The following ARHGAP25 variants were observed in gnomAD, a reference collection of about 807,000 sequenced individuals.
The protein encoded by ARHGAP25 is rho GTPase-activating protein 25.
ARHGAP25 carries 34 observed loss-of-function variants against 71.0 expected under a neutral mutation model. That is an observed-to-expected ratio of 0.48 (90% CI 0.36 to 0.64). The LOEUF is 0.64. Ranked by LOEUF, ARHGAP25 falls within the 30% of genes least tolerant of loss-of-function variation. ARHGAP25 has a pLI of 0.00. For missense variants in ARHGAP25, 706 were observed against 805.1 expected (o/e 0.88, Z 1.49); for synonymous variants, 282 against 296.5 (o/e 0.95, Z 0.50).
chr2:68,779,657 T>C (rs1392792942), intron 2 of ARHGAP25, among the ~76,000 whole-genome samples: 2 of 152,218 alleles, frequency 1.3e-5, no homozygotes, highest in Non-Finnish European at 2.9e-5. Flanking sequence ...GCTGTCTCCA[T>C]TGCTTTACTG....
chr2:68,768,104 A>G (rs1677238589), intron 1 of ARHGAP25, among the ~76,000 whole-genome samples: 1 of 152,194 alleles, frequency 6.6e-6, no homozygotes, highest in South Asian at 2.1e-4. Context: ...TCAGATTTCT[A>G]GTTGTTAACT....
intron 3 of ARHGAP25, among the ~76,000 whole-genome samples, chr2:68,787,625 A>G (rs946518527): frequency 1.3e-5 from 2 of 152,154 alleles, no homozygotes; most frequent in African/African-American, 4.8e-5. Flanking sequence ...ATTGCAAACC[A>G]TTGTGTTCAA....
At chr2:68,720,554 AG>A (rs1433272291) in intron 2 of ARHGAP25, among the ~76,000 whole-genome samples, 1 of 152,286 alleles carries the variant, frequency 6.6e-6, no homozygotes, top group East Asian at 1.9e-4. Flanking sequence ...TCCTACAGTA[AG>A]GTGGGCAAAA....
intron 3 of ARHGAP25, 141 bp from the exon 4 acceptor site, chr2:68,787,699 A>G: frequency 1.4e-6 from 1 of 705,666 alleles, no homozygotes; most frequent in South Asian, 1.6e-5. Flanking sequence ...ACTGAGGATA[A>G]TTCGACAATG....
In ARHGAP25 at chr2:68,780,317, G is replaced by A. The variant is rs188468720; in HGVS notation, c.262-1916G>A. 2.8e-3 allele frequency among the ~76,000 whole-genome samples: 424 copies of A among 152,332 alleles called. 1 individual carries two copies. Among genetic ancestry groups the A allele is most frequent in the African/African-American group, 9.9e-3 (410 of 41,584 alleles). ...ACAGTTTGGAGAGGTACTTAGGGGA[G>A]GCAGACACCTCTGTGTTTGCCCTTT... On this transcript the variant is annotated intron_variant, in intron 2 of 10. Transcript: ENST00000409202.
chr2:68,753,654 T>G (rs1676313028), intron 1 of ARHGAP25, among the ~76,000 whole-genome samples: 1 of 152,180 alleles, frequency 6.6e-6, no homozygotes, highest in Non-Finnish European at 1.5e-5. Flanking sequence ...TGGGGTAGAT[T>G]TAGCTTGATG....
At chr2:68,820,468 T>G (rs188088906) in intron 9 of ARHGAP25, among the ~76,000 whole-genome samples, 1 of 152,278 alleles carries the variant, frequency 6.6e-6, no homozygotes. Context: ...CAGGTACCTC[T>G]AACTCCGGGT....
intron 1 of ARHGAP25, among the ~76,000 whole-genome samples, chr2:68,744,926 G>A (rs1675729430): frequency 6.6e-6 from 1 of 152,180 alleles, no homozygotes; most frequent in Non-Finnish European, 1.5e-5. Flanking sequence ...GAAAGTGATT[G>A]ATAATGTAGT....
chr2:68,784,165 C>G (rs375203268), intron 3 of ARHGAP25, among the ~76,000 whole-genome samples: 49 of 152,058 alleles, frequency 3.2e-4, no homozygotes, highest in African/African-American at 1.2e-3. Context: ...CTTTCGCTCT[C>G]TCTCTCTCTT....
chr2:68,743,740 T>C (rs373222066), intron 1 of ARHGAP25, among the ~76,000 whole-genome samples: 3 of 152,122 alleles, frequency 2.0e-5, no homozygotes, highest in East Asian at 3.9e-4. Flanking sequence ...ACTGATCTTC[T>C]TCCTGTGAGC....
chr2:68,806,524 A>G (rs1276929150), intron 4 of ARHGAP25, among the ~76,000 whole-genome samples: 1 of 152,186 alleles, frequency 6.6e-6, no homozygotes, highest in East Asian at 1.9e-4. Context: ...TATAACTGAG[A>G]CAACTACTAA....
At chr2:68,778,220 A>ATATATC (rs1678059759) in intron 2 of ARHGAP25, among the ~76,000 whole-genome samples, 1 of 152,212 alleles carries the variant, frequency 6.6e-6, no homozygotes, top group Non-Finnish European at 1.5e-5. Context: ...GGCTACATTT[A>ATATATC]TATATCTATA....
intron 1 of ARHGAP25, among the ~76,000 whole-genome samples, chr2:68,770,133 A>C (rs1281456183): frequency 6.6e-6 from 1 of 152,156 alleles, no homozygotes; most frequent in African/African-American, 2.4e-5. Flanking sequence ...GCGGAGGTAA[A>C]GCAGGTTTGG....
intron 1 of ARHGAP25, among the ~76,000 whole-genome samples, chr2:68,760,207 T>C (rs1157004397): frequency 1.3e-5 from 2 of 152,036 alleles, no homozygotes; most frequent in Non-Finnish European, 2.9e-5. Flanking sequence ...AAAAGTCATA[T>C]GTAAATAACC....
chr2:68,797,729 T>G (rs1192675060), intron 4 of ARHGAP25, among the ~76,000 whole-genome samples: 1 of 152,156 alleles, frequency 6.6e-6, no homozygotes, highest in Non-Finnish European at 1.5e-5. Flanking sequence ...TCAAAAAGGG[T>G]GTAGGACATT....
intron 4 of ARHGAP25, among the ~76,000 whole-genome samples, chr2:68,792,241 A>G (rs1025610927): frequency 3.3e-5 from 5 of 152,210 alleles, no homozygotes; most frequent in African/African-American, 1.2e-4. Context: ...GTCCTGAAAC[A>G]GGTCCTATGT....
chr2:68,713,675 A>C (rs1454998690), intron 2 of ARHGAP25, among the ~76,000 whole-genome samples: 1 of 152,196 alleles, frequency 6.6e-6, no homozygotes, highest in African/African-American at 2.4e-5. Flanking sequence ...CATTCCATCA[A>C]TACCTAGTTT....
intron 1 of ARHGAP25, among the ~76,000 whole-genome samples, chr2:68,746,714 C>G (rs373735442): frequency 1.2e-3 from 185 of 151,426 alleles, no homozygotes; most frequent in African/African-American, 3.4e-3. Flanking sequence ...CCCCCCTCCC[C>G]ATCCCCACAG....
intron 7 of ARHGAP25, among the ~76,000 whole-genome samples, chr2:68,817,178 C>T (rs1681295462): frequency 6.6e-6 from 1 of 152,106 alleles, no homozygotes; most frequent in Non-Finnish European, 1.5e-5. Context: ...TAAATAACTT[C>T]ATAATATTTC....
Sources: allele counts gnomAD v4.1 joint callset (sites outside exome capture counted in the v4.1 genomes callset), GRCh38; gene constraint gnomAD v4.1.1; transcripts MANE v1.5; gene names NCBI Gene and HGNC (gene_info 2026-07-23, HGNC 2026-07-21).